The following ZNF469 variants were observed in gnomAD, a reference collection of about 807,000 sequenced individuals.
ZNF469 encodes the protein zinc finger protein 469.
A neutral mutation model predicts 1.0 loss-of-function variants in ZNF469; 1 was observed. That is an observed-to-expected ratio of 1.00 (90% CI 0.35 to 4.73). ZNF469 has a LOEUF of 4.73. Among genes scored for constraint, ZNF469 ranks in the 30% most tolerant of loss-of-function variants. ZNF469 has a pLI of 0.16. For synonymous variants in ZNF469, 2,703 were observed against 2,363.4 expected, an observed-to-expected ratio of 1.14 and a Z score of -4.17; for missense variants, 6,100 against 5,356.3, an observed-to-expected ratio of 1.14 and a Z score of -4.33.
the ZNF469 span, among the ~76,000 whole-genome samples, chr16:88,309,986 C>A: frequency 6.6e-6 from 1 of 152,210 alleles, no homozygotes; most frequent in Non-Finnish European, 1.5e-5. Context: ...GTCCATGACC[C>A]ACCCGTGTTG....
the ZNF469 span, among the ~76,000 whole-genome samples, chr16:88,169,630 C>T: frequency 2.6e-5 from 4 of 152,240 alleles, no homozygotes; most frequent in African/African-American, 7.2e-5. The surrounding 1 kb of genome is among the most constrained non-coding windows in gnomAD (Gnocchi z 6.1). Context: ...GGGCTGATTC[C>T]GGGTCTGCCA....
the ZNF469 span, among the ~76,000 whole-genome samples, chr16:88,285,885 A>G: frequency 1.3e-5 from 2 of 152,228 alleles, no homozygotes; most frequent in African/African-American, 4.8e-5. Context: ...CTGTGGCCAC[A>G]AGAAGGCCTC....
At chr16:88,141,362 C>T in the ZNF469 span, among the ~76,000 whole-genome samples, 1 of 151,980 alleles carries the variant, frequency 6.6e-6, no homozygotes, top group Non-Finnish European at 1.5e-5. Context: ...GGAAAGACGC[C>T]CTGGGAGGTA....
chr16:88,220,180 G>C, the ZNF469 span, among the ~76,000 whole-genome samples: 2 of 152,202 alleles, frequency 1.3e-5, no homozygotes, highest in African/African-American at 2.4e-5. Flanking sequence ...TTCTGAAACA[G>C]AGGGCACTGC....
At chr16:88,112,772 C>CTTTTTTTTTTTT in the ZNF469 span, among the ~76,000 whole-genome samples, 7 of 73,484 alleles carry the variant, frequency 9.5e-5, no homozygotes, top group Non-Finnish European at 1.4e-4. Context: ...TGTGCAGAAG[C>CTTTTTTTTTTTT]TTTTTTTTTT....
the ZNF469 span, among the ~76,000 whole-genome samples, chr16:88,377,125 C>T: frequency 6.6e-6 from 1 of 152,270 alleles, no homozygotes; most frequent in Non-Finnish European, 1.5e-5. Flanking sequence ...GCCACCACTC[C>T]TGTGTCTTCT....
At position 88,437,486 on chromosome 16, in the gene ZNF469, G is replaced by A; in HGVS notation, c.10016G>A (p.Cys3339Tyr). 1 of 1,537,960 alleles carries A rather than the reference G, an allele frequency of 6.5e-7. No individual in the cohort carries two copies. Among genetic ancestry groups the A allele is most frequent in the Non-Finnish European group, 8.8e-7 (1 of 1,138,722 alleles). ...HEACKDPSRDCHHCGKRFPKP... is the reference protein window; with the variant it reads ...HEACKDPSRDYHHCGKRFPKP... ...GCCTGCAAGGACCCCTCCCGCGACT[G>A]CCACCACTGCGGGAAGCGCTTCCCC... The change falls in exon 3 of 3, where the codon TGC (cysteine) becomes TAC (tyrosine). Residue 3339 changes from cysteine (C) to tyrosine (Y), a missense_variant. Physicochemically the swap from Cys to Tyr is radical, Grantham distance 194 (BLOSUM62 -2). Transcript: ENST00000565624.
chr16:88,223,383 A>G, the ZNF469 span, among the ~76,000 whole-genome samples: 1 of 152,214 alleles, frequency 6.6e-6, no homozygotes, highest in Non-Finnish European at 1.5e-5. Flanking sequence ...TGGAACTGTG[A>G]GTCCATTAAA....
At chr16:88,327,613 C>T in the ZNF469 span, among the ~76,000 whole-genome samples, 1 of 152,130 alleles carries the variant, frequency 6.6e-6, no homozygotes, top group African/African-American at 2.4e-5. Flanking sequence ...GGCACGTGCT[C>T]CGTACCTCAG....
At chr16:88,234,622 G>A in the ZNF469 span, among the ~76,000 whole-genome samples, 1 of 152,214 alleles carries the variant, frequency 6.6e-6, no homozygotes, top group Non-Finnish European at 1.5e-5. Context: ...GACGCAGCCC[G>A]TGGGGAGCTG....
At chr16:88,120,739 C>T in the ZNF469 span, among the ~76,000 whole-genome samples, 6 of 152,176 alleles carry the variant, frequency 3.9e-5, no homozygotes, top group African/African-American at 1.2e-4. Flanking sequence ...GCCTGAGCCC[C>T]GGGAACACTG....
the ZNF469 span, among the ~76,000 whole-genome samples, chr16:88,348,355 C>A: frequency 6.6e-6 from 1 of 152,170 alleles, no homozygotes; most frequent in Non-Finnish European, 1.5e-5. Flanking sequence ...TGTAGGGACA[C>A]CCATCATAAG....
intron 1 of ZNF469, among the ~76,000 whole-genome samples, chr16:88,400,064 C>T (rs1029576816): frequency 3.9e-5 from 6 of 152,184 alleles, no homozygotes; most frequent in African/African-American, 7.2e-5. Flanking sequence ...GTGGCAGGGA[C>T]GTGGGGTGAA....
rs1275427349 is a variant in ZNF469 at position 88,435,360 on chromosome 16, G to C, written c.7890G>C (p.Lys2630Asn). Residue 2630 changes from lysine to asparagine, a missense_variant, in exon 3 of 3, where the codon AAG becomes AAC. By Grantham distance (94) the Lys-to-Asn change is moderately conservative. Transcript: ENST00000565624. ...TVDSPSHSEG[K>N]SNKKRGKLRG... The stretch of plus-strand genomic sequence containing the variant: ...ACTCTCCTAGCCACTCAGAGGGGAA[G>C]TCAAATAAGAAAAGGGGAAAGCTGA... The C allele has an allele frequency of 6.4e-7, 1 of 1,550,414 alleles. No homozygotes were observed. Among genetic ancestry groups the C allele is most frequent in the Non-Finnish European group, 8.7e-7 (1 of 1,146,998 alleles).
chr16:88,154,006 AG>A, the ZNF469 span, among the ~76,000 whole-genome samples: 1 of 152,218 alleles, frequency 6.6e-6, no homozygotes, highest in African/African-American at 2.4e-5. Flanking sequence ...TTAAGCCTCA[AG>A]GTATGAATTT....
the ZNF469 span, among the ~76,000 whole-genome samples, chr16:88,227,519 C>A: frequency 1.4e-5 from 2 of 145,772 alleles, no homozygotes; most frequent in Non-Finnish European, 3.0e-5. Flanking sequence ...TCCCCATCTC[C>A]CCATCTCCCC....
chr16:88,249,001 C>T, the ZNF469 span, among the ~76,000 whole-genome samples: 19 of 152,122 alleles, frequency 1.2e-4, no homozygotes, highest in Non-Finnish European at 2.5e-4. Context: ...ACTGTGTGTC[C>T]GTGTGTCTTG....
chr16:88,405,543 G>A (rs1441008056), intron 1 of ZNF469, among the ~76,000 whole-genome samples: 1 of 152,200 alleles, frequency 6.6e-6, no homozygotes, highest in African/African-American at 2.4e-5. Context: ...GGGCCTTGGG[G>A]GCTGGAGAGG....
At chr16:88,389,210 T>C (rs1187936472) in intron 1 of ZNF469, among the ~76,000 whole-genome samples, 2 of 152,242 alleles carry the variant, frequency 1.3e-5, no homozygotes, top group African/African-American at 4.8e-5. Flanking sequence ...CGCTCCTTCC[T>C]GCCTGTGGAT....
Sources: allele counts gnomAD v4.1 joint callset (sites outside exome capture counted in the v4.1 genomes callset), GRCh38; gene constraint gnomAD v4.1.1; non-coding constraint Gnocchi (gnomAD v3.1); transcripts MANE v1.5; gene names NCBI Gene and HGNC (gene_info 2026-07-23, HGNC 2026-07-21).